The following MAP3K6 variants were observed in gnomAD, a reference collection of about 807,000 sequenced individuals.
The protein encoded by MAP3K6 is apoptosis signal-regulating kinase 2.
MAP3K6 carries 105 observed loss-of-function variants against 147.1 expected under a neutral mutation model. That is an observed-to-expected ratio of 0.71 (90% confidence interval 0.61 to 0.84). The LOEUF is 0.84. MAP3K6 is among the 40% of genes least tolerant of loss of function. The pLI, the probability that MAP3K6 is intolerant of heterozygous loss-of-function variation, is 0.00. For synonymous variants in MAP3K6, 695 were observed against 732.4 expected (o/e 0.95, Z 0.82); for missense variants, 1,569 against 1,715.0 (o/e 0.91, Z 1.50).
chr1:27,357,433 A>C lies in MAP3K6; in HGVS notation c.3225T>G (p.Leu1075=). 6.2e-7 allele frequency: 1 copy of C among 1,612,386 alleles called. No homozygotes were observed. The highest frequency in any genetic ancestry group is 8.5e-7 in the Non-Finnish European group (1 of 1,178,976). ...RLRAQGLGPA[L]LHRPLFAFPD... ...GGAAGGCAAACAGCGGTCTGTGCAG[A>C]AGCGCAGGCCCAAGGCCCTGGGCCC... Residue 1075 remains leucine, a synonymous_variant, in exon 23 of 29, where the codon CTT becomes CTG. Coordinates refer to ENST00000357582, the MANE Select transcript of MAP3K6 (RefSeq NM_004672.5).
rs1241150485 is a variant in MAP3K6 at position 27,366,146 on chromosome 1, C to T, written c.340+112G>A. The T allele has an allele frequency of 1.8e-6, 2 of 1,127,646 alleles. No homozygotes were observed. The highest frequency in any genetic ancestry group is 2.2e-6 in the Non-Finnish European group (2 of 890,896). The allele number at this position is 1,127,646 out of a possible 1,614,324, so 69.9% of individuals were successfully genotyped here. A position where few individuals can be genotyped will look rare whatever the true frequency, so the allele number is the denominator to read the frequency against. ...CTTCAGCTTTAGCTCACTTTAAGTC[C>T]CCTAGACCCGGTACCCCTCTCGGCC... is the stretch of plus-strand genomic sequence containing the variant. On this transcript the variant is annotated intron_variant, in intron 1 of 28. Transcript: ENST00000357582. This position sits in a 1 kb window ranked among gnomAD's most constrained non-coding sequence, Gnocchi z 5.5.
chr1:27,363,756 G>A (rs898937524), intron 5 of MAP3K6, among the ~76,000 whole-genome samples, 161 bp downstream of exon 5: 2 of 152,230 alleles, frequency 1.3e-5, no homozygotes, highest in Admixed American at 6.5e-5. Context: ...AGGAGGCAGC[G>A]ACATGCTCAT....
In MAP3K6 at chr1:27,357,458, C is replaced by T. The variant is rs762730374; in HGVS notation, c.3200G>A (p.Arg1067Lys). ...AAGCGCAGGCCCAAGGCCCTGGGCC[C>T]TCAGCCGTCCTTGCAGCGCCCGCAG... ...QELRALQGRLRAQGLGPALLH... is the reference protein window; with the variant it reads ...QELRALQGRLKAQGLGPALLH... The change falls in exon 23 of 29, where the codon AGG becomes AAG. Residue 1067 changes from arginine to lysine, a missense_variant. By Grantham distance (26) the Arg-to-Lys change is conservative (BLOSUM62 2). Coordinates refer to ENST00000357582, the MANE Select transcript of MAP3K6 (RefSeq NM_004672.5). 1 of 1,613,434 alleles carries T rather than the reference C, an allele frequency of 6.2e-7. No individual in the cohort carries two copies. Among genetic ancestry groups the T allele is most frequent in the Admixed American group, 1.7e-5 (1 of 59,978 alleles).
intron 13 of MAP3K6, 43 bp from the exon 14 acceptor site, chr1:27,361,051 TC>T: frequency 6.5e-7 from 1 of 1,537,980 alleles, no homozygotes; most frequent in South Asian, 1.2e-5. Flanking sequence ...GGCATCTTGG[TC>T]CCCACCTAAG....
At position 27,360,842 on chromosome 1, in the gene MAP3K6, C is replaced by T. The variant is rs2015731074; in HGVS notation, c.1921-4G>A. 1 of 1,612,578 alleles carries T rather than the reference C, an allele frequency of 6.2e-7. No homozygotes were observed. Among genetic ancestry groups the T allele is most frequent in the African/African-American group, 1.3e-5 (1 of 75,054 alleles). On this transcript the variant is annotated splice_region_variant and splice_polypyrimidine_tract_variant and intron_variant, in intron 14 of 28. Transcript: ENST00000357582. This position sits in a 1 kb window ranked among gnomAD's most constrained non-coding sequence, Gnocchi z 4.5. ...TCTCCGTGTACTCATAATCAAACTGCCGGGCGCGGGGTGAGATGGGAGTTC... is the reference window on the plus strand; with the variant it reads ...TCTCCGTGTACTCATAATCAAACTGTCGGGCGCGGGGTGAGATGGGAGTTC...
chr1:27,357,647 G>A (rs2015580272), intron 22 of MAP3K6, 64 bp downstream of exon 22: 5 of 1,588,912 alleles, frequency 3.1e-6, no homozygotes, highest in South Asian at 1.1e-5. Context: ...GGTAGGGGGC[G>A]GGGACATCAA....
Position 27,361,867 on chromosome 1 carries a change from C to T in MAP3K6, c.1416G>A (p.Trp472Ter). The change falls in exon 10 of 29, where the codon TGG (tryptophan) becomes TGA (stop). Residue 472 changes from tryptophan to a stop codon, truncating the protein, a stop_gained and splice_region_variant. Transcript: ENST00000357582. LOFTEE classifies it high-confidence loss of function. The stretch of plus-strand genomic sequence containing the variant: ...AGGTCTCCATCACGGACACCAGGTA[C>T]CTGCATGCAAAGCCACATCCTCAGT... Reference protein sequence around the residue: ...EQLYKLNAPIWYLVSVMETFL... With the variant: ...EQLYKLNAPI The T allele has an allele frequency of 1.3e-6, 2 of 1,541,756 alleles. No homozygotes were observed. The highest frequency in any genetic ancestry group is 2.3e-5 in the East Asian group (1 of 43,582).
In MAP3K6 at chr1:27,362,972, G is replaced by C. The variant is rs1185665603; in HGVS notation, c.1021C>G (p.Leu341Val). 8 of 1,614,060 alleles carry C rather than the reference G, an allele frequency of 5.0e-6. No homozygotes were observed. The highest frequency in any genetic ancestry group is 6.8e-6 in the Non-Finnish European group (8 of 1,179,994). Reference sequence around the variant, plus strand: ...GCCACAGAGCCCTCAAGCTGTACCAGCGGCAGCAGCACAGACAGGGCCTTC... The same window carrying C: ...GCCACAGAGCCCTCAAGCTGTACCACCGGCAGCAGCACAGACAGGGCCTTC... ...RAKALSVLLP[L>V]VQLEGSVAPD... is the part of the protein sequence containing the mutation. The change falls in exon 7 of 29, where the codon CTG becomes GTG. Residue 341 changes from leucine (L) to valine (V), a missense_variant. Transcript: ENST00000357582.
chr1:27,364,593 T>A lies in MAP3K6; in HGVS notation c.504+68A>T, dbSNP rs1263416098. The A allele has an allele frequency of 4.7e-5, 75 of 1,604,246 alleles. No individual in the cohort carries two copies. Among genetic ancestry groups the A allele is most frequent in the Non-Finnish European group, 5.8e-5 (68 of 1,171,510 alleles). The stretch of plus-strand genomic sequence containing the variant: ...TAGGTGACTGAGGAGGCCAGGGGGA[T>A]TAGTGGAGGTCAGAGGTCATAGCGG... On this transcript the variant is annotated intron_variant, in intron 3 of 28. Transcript: ENST00000357582. This position sits in a 1 kb window ranked among gnomAD's most constrained non-coding sequence, Gnocchi z 4.4.
intron 24 of MAP3K6, 91 bp from the exon 25 acceptor site, chr1:27,356,840 G>T: frequency 6.7e-7 from 1 of 1,485,872 alleles, no homozygotes. Context: ...GCCCGGCTCT[G>T]GGCAGGCCCC....
intron 21 of MAP3K6, 100 bp from the exon 22 acceptor site, chr1:27,357,976 C>T (rs1169765110): frequency 1.4e-6 from 2 of 1,476,804 alleles, no homozygotes; most frequent in Admixed American, 4.9e-5. Context: ...TTATGCCTAC[C>T]TCACAGGCAT....
In MAP3K6 at chr1:27,363,440, A is replaced by G; in HGVS notation, c.971+2T>C. The G allele has an allele frequency of 6.2e-7, 1 of 1,611,156 alleles. No individual in the cohort carries two copies. Among genetic ancestry groups the G allele is most frequent in the Non-Finnish European group, 8.5e-7 (1 of 1,178,360 alleles). On this transcript the variant is annotated splice_donor_variant, in intron 6 of 28. Transcript: ENST00000357582. LOFTEE classifies it high-confidence loss of function. Reference sequence around the variant, plus strand: ...TGACCTAACCCTTGCTCTGCCACTCACCGGTTGAGGGCAAAAGTGTAGTGG... The same window carrying G: ...TGACCTAACCCTTGCTCTGCCACTCGCCGGTTGAGGGCAAAAGTGTAGTGG...
chr1:27,362,666 C>T lies in MAP3K6; in HGVS notation c.1230G>A (p.Glu410=), dbSNP rs1447429300. The T allele has an allele frequency of 6.3e-7, 1 of 1,599,660 alleles. No individual in the cohort carries two copies. The highest frequency in any genetic ancestry group is 8.5e-7 in the Non-Finnish European group (1 of 1,171,972). Residue 410 remains glutamate, a synonymous_variant, in exon 8 of 29, where the codon GAG becomes GAA. Coordinates refer to ENST00000357582, the MANE Select transcript of MAP3K6 (RefSeq NM_004672.5). ...VLLIAAGQHF[E]DSKELRLIGM... ...CTATTAGCCGGAGCTCTTTGGAATC[C>T]TCAAAGTGCTGCCCGGCAGCAATGA... is the stretch of plus-strand genomic sequence containing the variant.
rs1483633110 is a variant in MAP3K6, at chr1:27,362,647, G to A, written c.1249C>T (p.Leu417=). 2 of 1,584,758 alleles carry A rather than the reference G, an allele frequency of 1.3e-6. No individual in the cohort carries two copies. Among genetic ancestry groups the A allele is most frequent in the Non-Finnish European group, 1.7e-6 (2 of 1,163,696 alleles). The change falls in exon 8 of 29, where the codon CTA becomes TTA. Residue 417 remains leucine, a synonymous_variant. Coordinates refer to ENST00000357582, the MANE Select transcript of MAP3K6 (RefSeq NM_004672.5). ...QHFEDSKELR[L]IGMKLGCLLA... is the part of the protein sequence containing the mutation. Reference sequence around the variant, plus strand: ...AGCCAGGATCTGTGCTCACCTATTAGCCGGAGCTCTTTGGAATCCTCAAAG... The same window carrying A: ...AGCCAGGATCTGTGCTCACCTATTAACCGGAGCTCTTTGGAATCCTCAAAG...
chr1:27,359,455 C>T lies in MAP3K6; in HGVS notation c.2387G>A (p.Arg796Gln), dbSNP rs759702469. ...AGTGCAAGGTGTGATGCCTGCCAGC[C>T]GCTTGGAGGTGCCGAAGTCAGAAAT... ...LKISDFGTSKRLAGITPCTET... is the reference protein window; with the variant it reads ...LKISDFGTSKQLAGITPCTET... Residue 796 changes from arginine to glutamine, a missense_variant, in exon 18 of 29, where the codon CGG becomes CAG. By Grantham distance (43) the Arg-to-Gln change is conservative (BLOSUM62 1). Transcript: ENST00000357582. This position sits in a 1 kb window ranked among gnomAD's most constrained non-coding sequence, Gnocchi z 4.4. 24 of 1,614,042 alleles carry T rather than the reference C, an allele frequency of 1.5e-5. No individual in the cohort carries two copies. The highest frequency in any genetic ancestry group is 2.2e-5 in the East Asian group (1 of 44,888).
chr1:27,362,956 C>A lies in MAP3K6; in HGVS notation c.1037G>T (p.Gly346Val). The change falls in exon 7 of 29, where the codon GGC becomes GTC. Residue 346 changes from glycine (G) to valine (V), a missense_variant. Transcript: ENST00000357582. ...SVLLPLVQLE[G>V]SVAPDLYCMC... is the part of the protein sequence containing the mutation. ...GCAGTACAGATCGGGCGCCACAGAG[C>A]CCTCAAGCTGTACCAGCGGCAGCAG... 3 of 1,614,090 alleles carry A rather than the reference C, an allele frequency of 1.9e-6. No homozygotes were observed. The highest frequency in any genetic ancestry group is 2.7e-5 in the African/African-American group (2 of 75,058).
In MAP3K6 at chr1:27,357,114, C is replaced by T. The variant is rs770013755; in HGVS notation, c.3259G>A (p.Val1087Met). 2.5e-6 allele frequency: 4 copies of T among 1,613,144 alleles called. No homozygotes were observed. The highest frequency in any genetic ancestry group is 1.1e-5 in the South Asian group (1 of 91,062). Residue 1087 changes from valine to methionine, a missense_variant and splice_region_variant, in exon 24 of 29, where the codon GTG becomes ATG. Transcript: ENST00000357582. ...HRPLFAFPDA[V>M]KQILRKRQIR... ...TGGCGCTTGCGGAGGATCTGCTTCA[C>T]CTGCAGGGGGAGGGAGGCGCCGCTG...
intron 1 of MAP3K6, among the ~76,000 whole-genome samples, chr1:27,365,202 T>C (rs1348011194): frequency 6.6e-6 from 1 of 151,950 alleles, no homozygotes; most frequent in African/African-American, 2.4e-5. Flanking sequence ...TTGAGTCTGT[T>C]ACGGGCCATT....
Position 27,359,803 on chromosome 1 carries a change from T to C in MAP3K6, c.2319+55A>G. The C allele has an allele frequency of 1.2e-6, 2 of 1,607,812 alleles. No individual in the cohort carries two copies. Among genetic ancestry groups the C allele is most frequent in the Middle Eastern group, 1.7e-4 (1 of 6,032 alleles). On this transcript the variant is annotated intron_variant, in intron 17 of 28. Coordinates refer to ENST00000357582, the MANE Select transcript of MAP3K6 (RefSeq NM_004672.5). This position sits in a 1 kb window ranked among gnomAD's most constrained non-coding sequence, Gnocchi z 4.4. ...AACTGCCAGCCTGCGTCTGGGACCA[T>C]GTTTCCTTCCCCGCCACCCTCAGCA...
Sources: gnomAD v4.1 joint callset for allele counts (sites outside exome capture counted in the v4.1 genomes callset) on GRCh38, gnomAD v4.1.1 for gene constraint, Gnocchi (gnomAD v3.1) non-coding constraint, MANE v1.5 for transcripts, NCBI Gene and HGNC (gene_info 2026-07-23, HGNC 2026-07-21) for gene names.